Variants in MEGF10 observed in about 807,000 individuals in gnomAD.
The protein encoded by MEGF10 is multiple epidermal growth factor-like domains protein 10.
Under a neutral mutation model 147.5 loss-of-function variants are expected in MEGF10, and 86 were observed. The ratio of observed to expected loss-of-function variants is 0.58; its 90% CI spans 0.49 to 0.70. The LOEUF (loss-of-function observed/expected upper bound fraction) is 0.70. MEGF10 is among the 30% of genes least tolerant of loss of function. The pLI, the probability that MEGF10 is intolerant of heterozygous loss-of-function variation, is 0.00. For missense variants in MEGF10, 1,329 were observed against 1,487.3 expected (o/e 0.89, Z 1.75); for synonymous variants, 478 against 525.5 (o/e 0.91, Z 1.24).
chr5:127,455,160 T>TAA (rs1766311805), intron 23 of MEGF10, among the ~76,000 whole-genome samples: 1 of 152,176 alleles, frequency 6.6e-6, no homozygotes, highest in South Asian at 2.1e-4. Flanking sequence ...AATGTGATCA[T>TAA]AAAAATGAAA....
chr5:127,252,511 A>C, the MEGF10 span, among the ~76,000 whole-genome samples: 1 of 151,918 alleles, frequency 6.6e-6, no homozygotes, highest in South Asian at 2.1e-4. Context: ...GGAATAAGTG[A>C]AAGAGTAGTT....
chr5:127,398,611 C>G, intron 6 of MEGF10, 65 bp from the exon 7 acceptor site: 1 of 1,597,298 alleles, frequency 6.3e-7, no homozygotes, highest in African/African-American at 1.3e-5. Context: ...ACCCTGGGTA[C>G]AGTGAACCCG....
chr5:127,290,030 A>G (rs75840444), upstream of MEGF10, among the ~76,000 whole-genome samples: 818 of 152,314 alleles, frequency 5.4e-3, 5 homozygotes, highest in Middle Eastern at 0.024. Context: ...TGTCCTGTCT[A>G]ACCCACAAAT....
At chr5:127,452,225 C>A (rs1187858682) in intron 22 of MEGF10, among the ~76,000 whole-genome samples, 1 of 152,224 alleles carries the variant, frequency 6.6e-6, no homozygotes, top group Non-Finnish European at 1.5e-5. Context: ...AACTTACTAT[C>A]TGCTCCATGC....
rs1763054275 is a variant in MEGF10 at position 127,376,914 on chromosome 5, A to G, written c.412+6912A>G. On this transcript the variant is annotated intron_variant, in intron 5 of 24. Coordinates refer to ENST00000503335, the MANE Select transcript of MEGF10 (RefSeq NM_001256545.2). ...AATCACCGTGGTATGGGGCTAACGGAAGTTGGAAAACAGGTTTACTGAAAG... is the reference window on the plus strand; with the variant it reads ...AATCACCGTGGTATGGGGCTAACGGGAGTTGGAAAACAGGTTTACTGAAAG... Among the ~76,000 whole-genome samples the G allele has an allele frequency of 2.0e-5, 3 of 152,172 alleles. No homozygotes were observed. The South Asian group carries it at 6.2e-4, about 32-fold the overall frequency.
chr5:127,440,687 G>A lies in MEGF10; in HGVS notation c.2234-52G>A, dbSNP rs975907661. The A allele has an allele frequency of 1.9e-6, 3 of 1,598,668 alleles. No homozygotes were observed. In the African/African-American group the frequency reaches 4.0e-5, roughly 22 times the overall value. ...ATATGTTGGAGGCACGAGCCTCCAA[G>A]TGTTTCTCTTCAGCAGCCTCTTGAC... On this transcript the variant is annotated intron_variant, in intron 17 of 24. Coordinates refer to ENST00000503335, the MANE Select transcript of MEGF10 (RefSeq NM_001256545.2).
At chr5:127,326,476 T>A (rs1761039012) in intron 1 of MEGF10, among the ~76,000 whole-genome samples, 1 of 152,326 alleles carries the variant, frequency 6.6e-6, no homozygotes, top group Admixed American at 6.5e-5. Flanking sequence ...ATTCCTTTCA[T>A]CAGCAAACTA....
intron 1 of MEGF10, among the ~76,000 whole-genome samples, chr5:127,300,509 G>A (rs1272017953): frequency 1.3e-5 from 2 of 152,190 alleles, no homozygotes; most frequent in Non-Finnish European, 2.9e-5. Flanking sequence ...CTTCTGGGAT[G>A]CTGACATTAC....
chr5:127,302,724 C>A (rs1299548817), intron 1 of MEGF10, among the ~76,000 whole-genome samples: 1 of 152,168 alleles, frequency 6.6e-6, no homozygotes, highest in Non-Finnish European at 1.5e-5. Flanking sequence ...GCCTTTGTTG[C>A]ATACTGAGGA....
chr5:127,355,589 G>A (rs986291918), intron 4 of MEGF10, among the ~76,000 whole-genome samples: 1 of 152,116 alleles, frequency 6.6e-6, no homozygotes. Context: ...TCCACATACC[G>A]TGCCAGCAGA....
At chr5:127,321,290 C>G (rs933493547) in intron 1 of MEGF10, among the ~76,000 whole-genome samples, 3 of 152,120 alleles carry the variant, frequency 2.0e-5, no homozygotes, top group Admixed American at 6.6e-5. Context: ...TCTACTATTT[C>G]TTACACAAGA....
At chr5:127,348,376 A>C (rs1761969674) in intron 4 of MEGF10, among the ~76,000 whole-genome samples, 1 of 152,126 alleles carries the variant, frequency 6.6e-6, no homozygotes, top group Non-Finnish European at 1.5e-5. Context: ...GCTATTTTAA[A>C]ATGGAAATGC....
At chr5:127,363,500 G>A (rs1021633860) in intron 4 of MEGF10, among the ~76,000 whole-genome samples, 1 of 152,070 alleles carries the variant, frequency 6.6e-6, no homozygotes, top group Non-Finnish European at 1.5e-5. Flanking sequence ...AAGGGGAGTC[G>A]CACTTACCAC....
intron 4 of MEGF10, among the ~76,000 whole-genome samples, chr5:127,368,776 A>G (rs1762745047): frequency 6.6e-6 from 1 of 152,184 alleles, no homozygotes; most frequent in African/African-American, 2.4e-5. Context: ...ATATACACAC[A>G]TATTAAATAT....
intron 21 of MEGF10, 96 bp downstream of exon 21, chr5:127,447,780 A>G (rs1472932569): frequency 1.9e-5 from 28 of 1,462,378 alleles, no homozygotes; most frequent in Non-Finnish European, 2.6e-5. Flanking sequence ...AGGCTGTTCT[A>G]GGTACTTTAC....
intron 13 of MEGF10, among the ~76,000 whole-genome samples, chr5:127,427,943 ATGTC>A (rs1319830032): frequency 6.6e-6 from 1 of 152,016 alleles, no homozygotes; most frequent in Non-Finnish European, 1.5e-5. Flanking sequence ...TCATATGTAT[ATGTC>A]TGTCTGTTTG....
the MEGF10 span, among the ~76,000 whole-genome samples, chr5:127,257,748 G>GC: frequency 2.0e-5 from 3 of 152,028 alleles, no homozygotes; most frequent in African/African-American, 4.8e-5. Context: ...TTATAAGAAA[G>GC]CTTTGTTCTT....
chr5:127,455,690 A>G, intron 24 of MEGF10, 83 bp downstream of exon 24: 1 of 1,046,478 alleles, frequency 9.6e-7, no homozygotes, highest in Non-Finnish European at 1.4e-6. Context: ...TAATAGTTGC[A>G]GGTCATAGAA....
the MEGF10 span, among the ~76,000 whole-genome samples, chr5:127,268,866 G>C: frequency 6.6e-6 from 1 of 152,240 alleles, no homozygotes; most frequent in Admixed American, 6.5e-5. Flanking sequence ...ACTTCACTCA[G>C]CCAGGTACCC....
Sources: allele counts gnomAD v4.1 joint callset (sites outside exome capture counted in the v4.1 genomes callset), GRCh38; gene constraint gnomAD v4.1.1; transcripts MANE v1.5; gene names NCBI Gene and HGNC (gene_info 2026-07-23, HGNC 2026-07-21).